The following RPTOR variants were observed in gnomAD, a reference collection of about 807,000 sequenced individuals.
RPTOR encodes the protein regulatory-associated protein of mTOR.
RPTOR carries 21 observed loss-of-function variants against 169.9 expected under a neutral mutation model. That is an observed-to-expected ratio of 0.12 (90% CI 0.09 to 0.18). The LOEUF is 0.18. Ranked by LOEUF, RPTOR falls within the 10% of genes least tolerant of loss-of-function variation. RPTOR has a pLI of 1.00. For missense variants in RPTOR, 1,133 were observed against 1,855.9 expected (o/e 0.61, Z 7.16); for synonymous variants, 732 against 753.2 (o/e 0.97, Z 0.46).
At chr17:80,590,302 CCG>C (rs2065094212) in intron 1 of RPTOR, among the ~76,000 whole-genome samples, 3 of 142,344 alleles carry the variant, frequency 2.1e-5, no homozygotes, top group African/African-American at 8.0e-5. Context: ...AATGGTTGGG[CCG>C]TGTGTTAGCA....
chr17:80,612,211 CCTCTAA>C (rs2143489577), intron 1 of RPTOR, among the ~76,000 whole-genome samples: 1 of 152,270 alleles, frequency 6.6e-6, no homozygotes, highest in East Asian at 1.9e-4. Context: ...CTCACTGTAA[CCTCTAA>C]CTCTTGGGCT....
chr17:80,758,736 A>G (rs531724499), intron 6 of RPTOR, among the ~76,000 whole-genome samples: 1 of 152,042 alleles, frequency 6.6e-6, no homozygotes, highest in Non-Finnish European at 1.5e-5. Context: ...CTGACTCCAG[A>G]ATCAACACCA....
At chr17:80,698,851 A>G (rs1412944800) in intron 3 of RPTOR, among the ~76,000 whole-genome samples, 1 of 152,174 alleles carries the variant, frequency 6.6e-6, no homozygotes, top group East Asian at 1.9e-4. Flanking sequence ...GCAGCTCTTC[A>G]GGGGGTAGTG....
chr17:80,611,061 T>C (rs1256140017), intron 1 of RPTOR, among the ~76,000 whole-genome samples: 1 of 152,180 alleles, frequency 6.6e-6, no homozygotes, highest in Non-Finnish European at 1.5e-5. Context: ...GTGGTCAGTT[T>C]TGTTTTTCCA....
At chr17:80,884,098 A>C in intron 16 of RPTOR, 126 bp downstream of exon 16, 1 of 917,832 alleles carries the variant, frequency 1.1e-6, no homozygotes, top group Non-Finnish European at 1.6e-6. Flanking sequence ...GCACGCTAAT[A>C]AGAGTAGGAC....
intron 6 of RPTOR, among the ~76,000 whole-genome samples, chr17:80,757,893 TC>T (rs1188977743): frequency 3.3e-5 from 5 of 152,092 alleles, no homozygotes; most frequent in Non-Finnish European, 7.4e-5. Flanking sequence ...TTATGAGTGT[TC>T]TTTTTAACTC....
intron 1 of RPTOR, among the ~76,000 whole-genome samples, chr17:80,578,372 G>A (rs1280302233): frequency 6.6e-6 from 1 of 152,212 alleles, no homozygotes; most frequent in African/African-American, 2.4e-5. Context: ...AAAGTGGCGT[G>A]TCAGCTGAGG....
At chr17:80,934,299 G>A (rs747613181) in intron 24 of RPTOR, among the ~76,000 whole-genome samples, 4 of 151,348 alleles carry the variant, frequency 2.6e-5, no homozygotes, top group Non-Finnish European at 2.9e-5. Context: ...ACTACCAAAC[G>A]TCATTCAATA....
intron 7 of RPTOR, chr17:80,801,654 C>T (rs1421951856): frequency 1.3e-5 from 2 of 152,212 alleles, no homozygotes; most frequent in African/African-American, 4.8e-5. Context: ...CAAAAAATAC[C>T]TTTCTTTCCA....
intron 17 of RPTOR, among the ~76,000 whole-genome samples, chr17:80,886,840 G>T (rs973128750): frequency 3.9e-5 from 6 of 152,238 alleles, no homozygotes. Context: ...TGGGCAGGGC[G>T]TGTAGAGGGG....
chr17:80,580,318 C>T (rs184674316), intron 1 of RPTOR, among the ~76,000 whole-genome samples: 44 of 152,130 alleles, frequency 2.9e-4, no homozygotes, highest in African/African-American at 1.0e-3. Flanking sequence ...AATAAATAAC[C>T]TTTAGGGGAA....
At chr17:80,564,093 C>G (rs536411749) in intron 1 of RPTOR, among the ~76,000 whole-genome samples, 1 of 150,674 alleles carries the variant, frequency 6.6e-6, no homozygotes, top group Admixed American at 6.6e-5. Flanking sequence ...GACGGAGTCT[C>G]GCTCTGTCGC....
intron 1 of RPTOR, among the ~76,000 whole-genome samples, chr17:80,597,410 A>AT (rs1202587324): frequency 6.6e-6 from 1 of 152,218 alleles, no homozygotes; most frequent in African/African-American, 2.4e-5. Flanking sequence ...CCTGGGCCAG[A>AT]CTGCGGTAGC....
At chr17:80,668,538 A>G (rs1265430740) in intron 3 of RPTOR, among the ~76,000 whole-genome samples, 2 of 152,232 alleles carry the variant, frequency 1.3e-5, no homozygotes, top group African/African-American at 4.8e-5. Context: ...ACAAGCAGAC[A>G]GCAAAATAAA....
At chr17:80,672,090 T>C (rs1334002392) in intron 3 of RPTOR, among the ~76,000 whole-genome samples, 3 of 152,234 alleles carry the variant, frequency 2.0e-5, no homozygotes, top group African/African-American at 4.8e-5. Flanking sequence ...GAGCAGATAC[T>C]ATATTACGAA....
intron 3 of RPTOR, among the ~76,000 whole-genome samples, chr17:80,702,659 C>T (rs1326140704): frequency 6.6e-6 from 1 of 152,240 alleles, no homozygotes; most frequent in Non-Finnish European, 1.5e-5. Flanking sequence ...AATGTGCCTT[C>T]TCTACGCAAT....
At chr17:80,842,361 G>T (rs548828398) in intron 10 of RPTOR, among the ~76,000 whole-genome samples, 1 of 151,548 alleles carries the variant, frequency 6.6e-6, no homozygotes, top group African/African-American at 2.4e-5. Context: ...CCACCTGCTA[G>T]CACCAATTCT....
chr17:80,832,856 G>C (rs2067521114), intron 9 of RPTOR, among the ~76,000 whole-genome samples: 1 of 152,218 alleles, frequency 6.6e-6, no homozygotes, highest in African/African-American at 2.4e-5. Context: ...TACTCCTTGG[G>C]TGGTGATGGA....
chr17:80,660,860 T>C (rs1598200036), intron 3 of RPTOR, among the ~76,000 whole-genome samples: 1 of 114,968 alleles, frequency 8.7e-6, no homozygotes, highest in Admixed American at 1.0e-4. Flanking sequence ...AGCAGGAGCC[T>C]CCCCCATACC....
Sources: gnomAD v4.1 joint callset for allele counts (sites outside exome capture counted in the v4.1 genomes callset) on GRCh38, gnomAD v4.1.1 for gene constraint, MANE v1.5 for transcripts, NCBI Gene and HGNC (gene_info 2026-07-23, HGNC 2026-07-21) for gene names.